The following PPP2R3B variants were observed in gnomAD, a reference collection of about 807,000 sequenced individuals.
The protein encoded by PPP2R3B is serine/threonine-protein phosphatase 2A regulatory subunit B'' subunit beta.
A neutral mutation model predicts 72.9 loss-of-function variants in PPP2R3B; 68 were observed. The ratio of observed to expected loss-of-function variants is 0.93; its 90% CI spans 0.77 to 1.14. The LOEUF (loss-of-function observed/expected upper bound fraction) is 1.14. Among genes scored for constraint, PPP2R3B ranks in the 50% most tolerant of loss-of-function variants. PPP2R3B has a pLI of 0.00. For missense variants in PPP2R3B, 1,018 were observed against 842.0 expected (o/e 1.21, Z -2.59); for synonymous variants, 466 against 375.8 (o/e 1.24, Z -2.78).
Position 346,793 on chromosome X carries a change from C to G in PPP2R3B, c.718-18G>C. 3 of 1,605,582 alleles carry G rather than the reference C, an allele frequency of 1.9e-6. No individual in the cohort carries two copies. The highest frequency in any genetic ancestry group is 1.7e-5 in the Admixed American group (1 of 59,684). ...ACCACGTCCTGCGGGTGGGAAGACA[C>G]GAGGCGCGTGGTGTAGACGCCGGCC... On this transcript the variant is annotated intron_variant, in intron 4 of 12. Transcript: ENST00000390665.
At chrX:367,646 G>C (rs868159189) in intron 1 of PPP2R3B, among the ~76,000 whole-genome samples, 51 of 152,188 alleles carry the variant, frequency 3.4e-4, no homozygotes, top group African/African-American at 1.1e-3. Context: ...AGCTGAAAAA[G>C]AGCAGGAGAC....
intron 2 of PPP2R3B, among the ~76,000 whole-genome samples, chrX:360,800 GC>G (rs1315575913): frequency 6.6e-6 from 1 of 152,220 alleles, no homozygotes; most frequent in African/African-American, 2.4e-5. Context: ...TCTGGTGTAG[GC>G]CTTGCCTTGG....
intron 2 of PPP2R3B, among the ~76,000 whole-genome samples, chrX:360,881 A>T (rs1282211529): frequency 2.0e-5 from 3 of 152,218 alleles, no homozygotes; most frequent in Non-Finnish European, 4.4e-5. Flanking sequence ...GAGAGCATGC[A>T]GCTGAGAAGG....
intron 3 of PPP2R3B, 52 bp from the exon 4 acceptor site, chrX:347,388 C>A (rs762889070): frequency 1.2e-4 from 190 of 1,548,460 alleles, no homozygotes; most frequent in Admixed American, 2.0e-4. Context: ...TGGCTTTCGA[C>A]CCCGCAGACG....
rs200453431 is a variant in PPP2R3B at position 334,437 on chromosome X, G to A, written c.1658C>T (p.Ala553Val). 459 of 1,595,426 alleles carry A rather than the reference G, an allele frequency of 2.9e-4. No homozygotes were observed. Among genetic ancestry groups the A allele is most frequent in the Non-Finnish European group, 3.6e-4 (419 of 1,176,058 alleles). ...GTCCACGGCGCCCAGCGGTGAGGGC[G>A]CCTCGAAGAAGGGCCTCTGGGCCAG... ...SPLAQRPFFE[A>V]PSPLGAVDLY... The change falls in exon 13 of 13, where the codon GCG (alanine) becomes GTG (valine). Residue 553 changes from alanine (A) to valine (V), a missense_variant. By Grantham distance (64) the Ala-to-Val change is moderately conservative. Coordinates refer to ENST00000390665, the MANE Select transcript of PPP2R3B (RefSeq NM_013239.5).
intron 1 of PPP2R3B, among the ~76,000 whole-genome samples, chrX:374,825 G>T (rs2071954023): frequency 6.6e-6 from 1 of 152,164 alleles, no homozygotes; most frequent in Non-Finnish European, 1.5e-5. Context: ...CTGGAAAAAC[G>T]CAGGATGACA....
At chrX:384,282 CTATATA>C (rs57842842) in intron 1 of PPP2R3B, among the ~76,000 whole-genome samples, 7 of 140,088 alleles carry the variant, frequency 5.0e-5, no homozygotes, top group African/African-American at 1.6e-4. Flanking sequence ...CTCTCTCTCT[CTATATA>C]TATATATATA....
At chrX:341,711 C>G in intron 8 of PPP2R3B, 172 bp downstream of exon 8, 4 of 686,070 alleles carry the variant, frequency 5.8e-6, no homozygotes, top group South Asian at 4.9e-5. Flanking sequence ...CTTGTGCCAC[C>G]CCCCCCCACT....
chrX:347,115 G>A, intron 4 of PPP2R3B, 119 bp downstream of exon 4: 1 of 1,230,216 alleles, frequency 8.1e-7, no homozygotes, highest in Non-Finnish European at 1.2e-6. Flanking sequence ...TGTAGACGCG[G>A]ACCCTCCCGT....
chrX:335,703 AGAG>A (rs2070870871), intron 12 of PPP2R3B: 1 of 152,264 alleles, frequency 6.6e-6, no homozygotes, highest in Admixed American at 6.5e-5. Context: ...TTCCCTGGGA[AGAG>A]GAGTGAACCT....
At chrX:340,288 C>T (rs1204496500) in intron 10 of PPP2R3B, among the ~76,000 whole-genome samples, 2 of 150,134 alleles carry the variant, frequency 1.3e-5, no homozygotes, top group Non-Finnish European at 3.0e-5. Context: ...CCAACGTCCC[C>T]GGTGAGCTCC....
Position 359,858 on chromosome X carries a change from GCA to G in PPP2R3B, c.510+1545_510+1546del, listed in dbSNP as rs748761505. The G allele has an allele frequency of 2.1e-5, 11 of 514,970 alleles. No individual in the cohort carries two copies. The East Asian group carries it at 6.0e-4, about 28-fold the overall frequency. 31.9% of individuals were successfully genotyped at this position (514,970 alleles called of 1,614,324 possible). On this transcript the variant is annotated intron_variant, in intron 2 of 12. Transcript: ENST00000390665. ...AACTATTACCTCTGGGGTAGAAACA[GCA>G]CAGACAGGGACAGAACCTGGACTTA...
chrX:379,167 CTGTG>C, intron 1 of PPP2R3B, among the ~76,000 whole-genome samples: 1 of 144,010 alleles, frequency 6.9e-6, no homozygotes, highest in South Asian at 2.2e-4. Flanking sequence ...GTGCATGTAC[CTGTG>C]TGTATGGACC....
At chrX:364,675 A>C (rs1210445708) in intron 1 of PPP2R3B, among the ~76,000 whole-genome samples, 3 of 106,676 alleles carry the variant, frequency 2.8e-5, no homozygotes, top group Non-Finnish European at 5.5e-5. Context: ...CTGAGATCGC[A>C]CCACTGCACT....
intron 1 of PPP2R3B, among the ~76,000 whole-genome samples, chrX:371,259 CGGG>C (rs2071856081): frequency 1.3e-5 from 2 of 152,012 alleles, no homozygotes; most frequent in Non-Finnish European, 2.9e-5. Context: ...CATCGTCACA[CGGG>C]AGCCTCCCCG....
intron 2 of PPP2R3B, among the ~76,000 whole-genome samples, chrX:353,956 C>CACCCAAAGACCAGGGCTG (rs2071384991): frequency 7.4e-6 from 1 of 135,094 alleles, no homozygotes; most frequent in South Asian, 2.3e-4. Flanking sequence ...AGCAGGGGCT[C>CACCCAAAGACCAGGGCTG]ACCCAAAGAC....
At chrX:345,703 G>C in intron 6 of PPP2R3B, 31 bp from the exon 7 acceptor site, 1 of 1,606,738 alleles carries the variant, frequency 6.2e-7, no homozygotes, top group Non-Finnish European at 8.5e-7. Flanking sequence ...CCTGAGCGCG[G>C]GGCCTCTGCG....
chrX:334,602 G>A lies in PPP2R3B; in HGVS notation c.1578-85C>T, dbSNP rs908809316. 20 of 1,342,814 alleles carry A rather than the reference G, an allele frequency of 1.5e-5. 2 individuals are homozygous for A. Among genetic ancestry groups the A allele is most frequent in the Middle Eastern group, 2.7e-4 (1 of 3,714 alleles). The allele number at this position is 1,342,814 out of a possible 1,614,324, so 83.2% of individuals were successfully genotyped here. A position where few individuals can be genotyped will look rare whatever the true frequency, so the allele number is the denominator to read the frequency against. On this transcript the variant is annotated intron_variant, in intron 12 of 12. Coordinates refer to ENST00000390665, the MANE Select transcript of PPP2R3B (RefSeq NM_013239.5). ...TCCGGGAAACACAGGCTGCTCGGCC[G>A]CCAACCTCCAGCACGAGACAGTCCC... is the stretch of plus-strand genomic sequence containing the variant.
chrX:346,445 G>GGCC (rs909411941), intron 5 of PPP2R3B, 185 bp from the exon 6 acceptor site: 5 of 646,212 alleles, frequency 7.7e-6, no homozygotes, highest in Non-Finnish European at 1.3e-5. Flanking sequence ...AAAGCGGGGA[G>GGCC]GGTCTGGCCG....
Sources: gnomAD v4.1 joint callset for allele counts (sites outside exome capture counted in the v4.1 genomes callset) on GRCh38, gnomAD v4.1.1 for gene constraint, MANE v1.5 for transcripts, NCBI Gene and HGNC (gene_info 2026-07-23, HGNC 2026-07-21) for gene names.